ENTREP2: variants seen among roughly 807,000 people sequenced by gnomAD.
ENTREP2 encodes protein ENTREP2.
At chr15:29,424,625 A>T in the ENTREP2 span, among the ~76,000 whole-genome samples, 1 of 152,182 alleles carries the variant, frequency 6.6e-6, no homozygotes, top group African/African-American at 2.4e-5. Context: ...CACAACAGGG[A>T]GAAGAGGTAC....
chr15:29,184,193 C>T, the ENTREP2 span, among the ~76,000 whole-genome samples: 1 of 152,202 alleles, frequency 6.6e-6, no homozygotes, highest in East Asian at 1.9e-4. Flanking sequence ...CCATATTGGC[C>T]AGGCTCGTCT....
chr15:29,358,836 A>C, the ENTREP2 span, among the ~76,000 whole-genome samples: 1 of 152,166 alleles, frequency 6.6e-6, no homozygotes, highest in Admixed American at 6.5e-5. Context: ...TAAATAAGTA[A>C]AGAGATTTCA....
chr15:29,638,560 AG>A, the ENTREP2 span, among the ~76,000 whole-genome samples: 7 of 152,356 alleles, frequency 4.6e-5, no homozygotes, highest in African/African-American at 1.7e-4. Flanking sequence ...TAGTGAGAAT[AG>A]AAAGGATTTC....
At chr15:29,563,333 A>G in the ENTREP2 span, among the ~76,000 whole-genome samples, 2 of 151,956 alleles carry the variant, frequency 1.3e-5, no homozygotes, top group Non-Finnish European at 2.9e-5. Flanking sequence ...TTAATTCACT[A>G]TATCACCTTC....
At chr15:29,378,651 C>T in the ENTREP2 span, among the ~76,000 whole-genome samples, 4 of 152,174 alleles carry the variant, frequency 2.6e-5, no homozygotes, top group Admixed American at 2.6e-4. Flanking sequence ...CCTCCATCTC[C>T]AGCCTGCGGG....
chr15:29,613,089 A>G, the ENTREP2 span, among the ~76,000 whole-genome samples: 343 of 152,304 alleles, frequency 2.3e-3, 9 homozygotes, highest in Non-Finnish European at 6.0e-4. Flanking sequence ...TCCATGCCCA[A>G]GGACTTTGCA....
the ENTREP2 span, among the ~76,000 whole-genome samples, chr15:29,255,787 G>A: frequency 6.6e-6 from 1 of 152,140 alleles, no homozygotes; most frequent in Admixed American, 6.5e-5. Context: ...GGATCAAAAG[G>A]TCAGGAGATT....
the ENTREP2 span, among the ~76,000 whole-genome samples, chr15:29,580,957 A>G: frequency 6.6e-6 from 1 of 152,204 alleles, no homozygotes; most frequent in Non-Finnish European, 1.5e-5. Context: ...GTGAAATAAT[A>G]TACAAGACAT....
chr15:29,656,174 T>C, the ENTREP2 span, among the ~76,000 whole-genome samples: 1 of 151,828 alleles, frequency 6.6e-6, no homozygotes, highest in Non-Finnish European at 1.5e-5. Flanking sequence ...AAACAAAAAT[T>C]GAGAGAATGC....
chr15:29,261,239 A>C, the ENTREP2 span, among the ~76,000 whole-genome samples: 1 of 152,188 alleles, frequency 6.6e-6, no homozygotes, highest in Non-Finnish European at 1.5e-5. Context: ...TTAGCTAGGC[A>C]TGGTGGTGCT....
chr15:29,183,994 T>A, the ENTREP2 span, among the ~76,000 whole-genome samples: 1 of 152,234 alleles, frequency 6.6e-6, no homozygotes, highest in Non-Finnish European at 1.5e-5. Flanking sequence ...GTAACTTTTT[T>A]TTTTGAGACA....
chr15:29,655,496 G>A, the ENTREP2 span, among the ~76,000 whole-genome samples: 1 of 151,912 alleles, frequency 6.6e-6, no homozygotes, highest in Non-Finnish European at 1.5e-5. Context: ...AAAATTACAA[G>A]ACACACAAGA....
chr15:29,311,381 G>T, the ENTREP2 span, among the ~76,000 whole-genome samples: 1 of 152,242 alleles, frequency 6.6e-6, no homozygotes, highest in African/African-American at 2.4e-5. Flanking sequence ...GACATGCATT[G>T]TTTTTTATTT....
At chr15:29,254,160 G>GAAA in the ENTREP2 span, among the ~76,000 whole-genome samples, 85 of 4,510 alleles carry the variant, frequency 0.019, 1 homozygote, top group South Asian at 0.2. Flanking sequence ...TTGTTAAAGA[G>GAAA]CAAAAAAAAA....
the ENTREP2 span, among the ~76,000 whole-genome samples, chr15:29,309,412 G>A: frequency 6.6e-6 from 1 of 152,068 alleles, no homozygotes; most frequent in Non-Finnish European, 1.5e-5. Flanking sequence ...GCAGACTCTA[G>A]ACCAGGTCTC....
the ENTREP2 span, among the ~76,000 whole-genome samples, chr15:29,672,392 A>T: frequency 1.3e-5 from 2 of 152,190 alleles, no homozygotes; most frequent in African/African-American, 2.4e-5. Flanking sequence ...CCAATTTTCA[A>T]ATGGGTCCTT....
chr15:29,628,041 C>A, the ENTREP2 span, among the ~76,000 whole-genome samples: 2 of 152,160 alleles, frequency 1.3e-5, no homozygotes, highest in African/African-American at 4.8e-5. Flanking sequence ...CTATGTTTAA[C>A]TTTTTGCACA....
chr15:29,171,351 G>A, the ENTREP2 span, among the ~76,000 whole-genome samples: 17 of 152,150 alleles, frequency 1.1e-4, no homozygotes, highest in South Asian at 2.1e-4. Flanking sequence ...TTCATATTTC[G>A]AGGAATGCAG....
the ENTREP2 span, among the ~76,000 whole-genome samples, chr15:29,499,248 C>T: frequency 2.0e-5 from 3 of 152,116 alleles, no homozygotes; most frequent in Admixed American, 6.6e-5. Flanking sequence ...TCCTTTGTGA[C>T]TTGACAATTT....
Sources: allele counts gnomAD v4.1 joint callset (sites outside exome capture counted in the v4.1 genomes callset), GRCh38; gene constraint gnomAD v4.1.1; transcripts MANE v1.5; gene names NCBI Gene and HGNC (gene_info 2026-07-23, HGNC 2026-07-21).